The following LRP5 variants were observed in gnomAD, a reference collection of about 807,000 sequenced individuals.
LRP5 encodes the protein low-density lipoprotein receptor-related protein 5.
LRP5 carries 62 observed loss-of-function variants against 154.1 expected under a neutral mutation model. The ratio of observed to expected loss-of-function variants is 0.40; its 90% CI spans 0.33 to 0.50. The LOEUF is 0.50. Ranked by LOEUF, LRP5 falls within the 20% of genes least tolerant of loss-of-function variation. The pLI is 0.55. For synonymous variants in LRP5, 966 were observed against 1,011.5 expected, an observed-to-expected ratio of 0.96 and a Z score of 0.85; for missense variants, 1,915 against 2,336.7, an observed-to-expected ratio of 0.82 and a Z score of 3.72.
chr11:68,374,862 C>T (rs963407354), intron 5 of LRP5, among the ~76,000 whole-genome samples: 5 of 152,160 alleles, frequency 3.3e-5, no homozygotes, highest in East Asian at 1.9e-4. Flanking sequence ...ACGCTGTCAC[C>T]GTGGAGCGGG....
chr11:68,374,715 A>G (rs756071782), intron 5 of LRP5, among the ~76,000 whole-genome samples: 2 of 152,044 alleles, frequency 1.3e-5, no homozygotes, highest in African/African-American at 2.4e-5. Flanking sequence ...CCTGACTTCT[A>G]TCACCTTGGA....
intron 7 of LRP5, among the ~76,000 whole-genome samples, chr11:68,392,384 A>G (rs569046721): frequency 1.3e-5 from 2 of 152,096 alleles, no homozygotes; most frequent in Admixed American, 6.5e-5. Context: ...GGTGCCTGTA[A>G]TCCCAGCTAC....
rs780348578 is a variant in LRP5, at chr11:68,348,130, G to A, written c.375G>A (p.Thr125=). The change falls in exon 2 of 23, where the codon ACG becomes ACA. Residue 125 remains threonine, a synonymous_variant. Transcript: ENST00000294304. ...CDWVGKKLYW[T]DSETNRIEVA... The stretch of plus-strand genomic sequence containing the variant: ...GGGTGGGCAAGAAGCTGTACTGGAC[G>A]GACTCAGAGACCAACCGCATCGAGG... 24 of 1,613,954 alleles carry A rather than the reference G, an allele frequency of 1.5e-5. No homozygotes were observed. Among genetic ancestry groups the A allele is most frequent in the Middle Eastern group, 3.3e-4 (2 of 6,084 alleles).
At chr11:68,359,953 A>T (rs2098626353) in intron 3 of LRP5, among the ~76,000 whole-genome samples, 2 of 151,898 alleles carry the variant, frequency 1.3e-5, no homozygotes, top group Non-Finnish European at 2.9e-5. Flanking sequence ...CGCCTGGCAA[A>T]TTGTTGTATT....
chr11:68,407,633 G>A (rs1176248751), intron 9 of LRP5, among the ~76,000 whole-genome samples: 1 of 150,898 alleles, frequency 6.6e-6, no homozygotes, highest in Non-Finnish European at 1.5e-5. Context: ...CTGAGGTCGG[G>A]AGTTCGAGAC....
intron 13 of LRP5, among the ~76,000 whole-genome samples, chr11:68,421,087 T>C (rs974751861): frequency 1.3e-5 from 2 of 151,852 alleles, no homozygotes; most frequent in Admixed American, 6.6e-5. Flanking sequence ...ACTAGCCAGG[T>C]GTGGTGGCGG....
chr11:68,445,433 C>T, intron 21 of LRP5: 1 of 375,070 alleles, frequency 2.7e-6, no homozygotes, highest in Non-Finnish European at 5.2e-6. Context: ...AGGGATCCTG[C>T]TGCAGCCAGA....
At chr11:68,344,279 C>T (rs757172511) in intron 1 of LRP5, among the ~76,000 whole-genome samples, 2 of 152,204 alleles carry the variant, frequency 1.3e-5, no homozygotes, top group East Asian at 1.9e-4. Flanking sequence ...TGTCCAGTTC[C>T]GCTGCAGTTA....
chr11:68,389,783 A>T, intron 6 of LRP5, 98 bp from the exon 7 acceptor site: 2 of 1,237,608 alleles, frequency 1.6e-6, no homozygotes, highest in South Asian at 1.2e-5. Context: ...TAGCCATGTG[A>T]TGGGGGCCGG....
At chr11:68,403,450 C>T in intron 7 of LRP5, 33 bp from the exon 8 acceptor site, 2 of 1,598,436 alleles carry the variant, frequency 1.3e-6, no homozygotes, top group Non-Finnish European at 1.7e-6. Context: ...GTGGCCCTGG[C>T]CCATCCAGAC....
At chr11:68,357,010 A>G (rs932028022) in intron 2 of LRP5, among the ~76,000 whole-genome samples, 59 of 148,622 alleles carry the variant, frequency 4.0e-4, no homozygotes, top group Admixed American at 8.8e-4. Context: ...ATTTCTGCTC[A>G]CTGCAACCTC....
intron 5 of LRP5, among the ~76,000 whole-genome samples, chr11:68,366,469 G>GA (rs957267675): frequency 6.6e-6 from 1 of 152,156 alleles, no homozygotes; most frequent in African/African-American, 2.4e-5. Flanking sequence ...TGGGGGTCCT[G>GA]ACTTTAGGAA....
chr11:68,438,257 A>G (rs1025741210), intron 19 of LRP5, among the ~76,000 whole-genome samples, 189 bp from the exon 20 acceptor site: 1 of 152,126 alleles, frequency 6.6e-6, no homozygotes, highest in Non-Finnish European at 1.5e-5. Flanking sequence ...TGCACCGTGC[A>G]GGCTGAAGGG....
Position 68,352,025 on chromosome 11 carries a change from C to T in LRP5, c.488+3782C>T, listed in dbSNP as rs147772413. On this transcript the variant is annotated intron_variant, in intron 2 of 22. Transcript: ENST00000294304. ...GGGCCCAAGGTGTGAGGAGAGGACA[C>T]ATGAGGTCTCGAGCAGAGGAGGTGC... 3.9e-5 allele frequency among the ~76,000 whole-genome samples: 6 copies of T among 152,232 alleles called. No individual in the cohort carries two copies. The East Asian group carries it at 1.2e-3, about 29-fold the overall frequency.
chr11:68,367,134 G>C (rs2098631559), intron 5 of LRP5, among the ~76,000 whole-genome samples: 1 of 152,206 alleles, frequency 6.6e-6, no homozygotes, highest in African/African-American at 2.4e-5. Flanking sequence ...CGGCCTCAAA[G>C]GCAATGTTGA....
At chr11:68,341,670 G>A (rs776116480) in intron 1 of LRP5, among the ~76,000 whole-genome samples, 11 of 152,136 alleles carry the variant, frequency 7.2e-5, no homozygotes, top group Non-Finnish European at 1.3e-4. Flanking sequence ...CTCTGCTCCA[G>A]TGTGCTCCCA....
At chr11:68,356,187 G>A (rs546097633) in intron 2 of LRP5, among the ~76,000 whole-genome samples, 1 of 150,072 alleles carries the variant, frequency 6.7e-6, no homozygotes, top group South Asian at 2.1e-4. Context: ...TGTCATCCAG[G>A]CTGGAGTGCA....
chr11:68,310,946 G>C (rs955874020), upstream of LRP5, among the ~76,000 whole-genome samples: 9 of 151,906 alleles, frequency 5.9e-5, no homozygotes, highest in African/African-American at 2.2e-4. Context: ...GGCCCTGCAG[G>C]TGCCGAAGGC....
At position 68,420,704 on chromosome 11, in the gene LRP5, T is replaced by A. The variant is rs1404100377; in HGVS notation, c.3028-2785T>A. Among the ~76,000 whole-genome samples the A allele has an allele frequency of 6.8e-5, 10 of 147,372 alleles. No individual in the cohort carries two copies. The East Asian group carries it at 2.0e-3, about 29-fold the overall frequency. ...GGGTAACAGAGTGAGACTTCCTGTC[T>A]CAAAAAAAAAAAAAATCATCGGATG... On this transcript the variant is annotated intron_variant, in intron 13 of 22. Coordinates refer to ENST00000294304, the MANE Select transcript of LRP5 (RefSeq NM_002335.4).
Sources: allele counts gnomAD v4.1 joint callset (sites outside exome capture counted in the v4.1 genomes callset), GRCh38; gene constraint gnomAD v4.1.1; transcripts MANE v1.5; gene names NCBI Gene and HGNC (gene_info 2026-07-23, HGNC 2026-07-21).